CCDC18: variants seen among roughly 807,000 people sequenced by gnomAD.
CCDC18 encodes coiled-coil domain containing 18.
CCDC18 carries 157 observed loss-of-function variants against 196.0 expected under a neutral mutation model. That is an observed-to-expected ratio of 0.80 (90% CI 0.70 to 0.91). The LOEUF (loss-of-function observed/expected upper bound fraction) is 0.91. CCDC18 is among the 40% of genes least tolerant of loss of function. CCDC18 has a pLI of 0.00. For synonymous variants in CCDC18, 482 were observed against 529.2 expected (o/e 0.91, Z 1.22); for missense variants, 1,465 against 1,611.6 (o/e 0.91, Z 1.56).
intron 12 of CCDC18, among the ~76,000 whole-genome samples, chr1:93,215,269 CATTTATAAATAAA>C (rs200863684): frequency 0.015 from 2,300 of 152,048 alleles, 28 homozygotes; most frequent in Non-Finnish European, 0.023. Flanking sequence ...GGTTAATATA[CATTTATAAATAAA>C]GACTTTGGAT....
chr1:93,262,710 T>C (rs1375905625), intron 26 of CCDC18, among the ~76,000 whole-genome samples: 3 of 152,168 alleles, frequency 2.0e-5, no homozygotes, highest in Non-Finnish European at 4.4e-5. Context: ...TTGGTGGATC[T>C]ACCATTCTGG....
intron 13 of CCDC18, among the ~76,000 whole-genome samples, chr1:93,216,988 G>A (rs964117269): frequency 1.4e-5 from 2 of 144,640 alleles, no homozygotes; most frequent in African/African-American, 2.7e-5. Flanking sequence ...AGGCTGGAGT[G>A]CAGTGGTGTG....
At chr1:93,205,420 C>T in intron 7 of CCDC18, 90 bp from the exon 8 acceptor site, 1 of 1,131,698 alleles carries the variant, frequency 8.8e-7, no homozygotes, top group South Asian at 1.6e-5. Context: ...TACTCTCCTG[C>T]TTATTTCTGA....
intron 12 of CCDC18, among the ~76,000 whole-genome samples, chr1:93,215,854 C>T (rs973141439): frequency 6.6e-6 from 1 of 152,162 alleles, no homozygotes; most frequent in African/African-American, 2.4e-5. Flanking sequence ...CAAGGAATTA[C>T]ATTCTGAAAA....
chr1:93,227,562 G>T (rs1406311702), intron 17 of CCDC18, among the ~76,000 whole-genome samples: 1 of 151,992 alleles, frequency 6.6e-6, no homozygotes, highest in Non-Finnish European at 1.5e-5. Context: ...TGCTCAAATG[G>T]ATAATCGTAA....
At chr1:93,211,672 TG>T in intron 10 of CCDC18, among the ~76,000 whole-genome samples, 1 of 152,186 alleles carries the variant, frequency 6.6e-6, no homozygotes, top group Middle Eastern at 3.2e-3. Flanking sequence ...GATTAACAAA[TG>T]GATTTGTGTA....
At position 93,217,761 on chromosome 1, in the gene CCDC18, T is replaced by G. The variant is rs1206071191; in HGVS notation, c.1854T>G (p.Ser618Arg). 1 of 1,605,934 alleles carries G rather than the reference T, an allele frequency of 6.2e-7. No homozygotes were observed. Among genetic ancestry groups the G allele is most frequent in the African/African-American group, 1.3e-5 (1 of 74,122 alleles). The change falls in exon 14 of 29, where the codon AGT becomes AGG. Residue 618 changes from serine to arginine, a missense_variant. Coordinates refer to ENST00000690025, the MANE Select transcript of CCDC18 (RefSeq NM_001378204.1). ...AGGAAAAGAATGAAAAGATAAGGAG[T>G]CTAGAAACCAATATTAATACAGAGC... ...ELMEKNEKIR[S>R]LETNINTEHE...
At chr1:93,197,791 G>A (rs1263734284) in intron 6 of CCDC18, among the ~76,000 whole-genome samples, 17 of 115,910 alleles carry the variant, frequency 1.5e-4, no homozygotes, top group Non-Finnish European at 2.4e-4. Context: ...TCGCTCTGTC[G>A]CCCAGGCTGG....
At chr1:93,197,305 G>A (rs535186626) in intron 6 of CCDC18, among the ~76,000 whole-genome samples, 1 of 152,012 alleles carries the variant, frequency 6.6e-6, no homozygotes, top group Non-Finnish European at 1.5e-5. Flanking sequence ...AGGAGAAAAG[G>A]CACAAGTGTT....
chr1:93,230,235 C>T (rs1341254401), intron 17 of CCDC18, among the ~76,000 whole-genome samples: 1 of 152,026 alleles, frequency 6.6e-6, no homozygotes, highest in Non-Finnish European at 1.5e-5. Context: ...GGCACGGTGG[C>T]TCATGCCTGT....
intron 28 of CCDC18, chr1:93,271,018 G>A: frequency 1.0e-6 from 1 of 984,118 alleles, no homozygotes; most frequent in Non-Finnish European, 1.2e-6. Context: ...AAAGAGAGAG[G>A]CAGAGGGAGA....
intron 2 of CCDC18, 94 bp from the exon 3 acceptor site, chr1:93,183,884 C>A: frequency 1.4e-6 from 1 of 713,878 alleles, no homozygotes; most frequent in Non-Finnish European, 2.1e-6. Flanking sequence ...TGCTTAGCAG[C>A]ATTTCAGGTT....
intron 6 of CCDC18, among the ~76,000 whole-genome samples, 175 bp from the exon 7 acceptor site, chr1:93,201,717 T>G (rs1236297788): frequency 6.6e-6 from 1 of 152,068 alleles, no homozygotes; most frequent in African/African-American, 2.4e-5. Flanking sequence ...GTGAGAAAAT[T>G]TTTGTAGTAT....
intron 19 of CCDC18, 77 bp downstream of exon 19, chr1:93,236,467 C>A: frequency 1.4e-6 from 2 of 1,379,858 alleles, no homozygotes; most frequent in South Asian, 2.7e-5. Flanking sequence ...AGATAATGTT[C>A]AGTGGAGCAT....
chr1:93,186,628 T>TA lies in CCDC18; in HGVS notation c.462+126dup, dbSNP rs1168752526. ...TTATGGGAAGTAATTTTCATTATAA[T>TA]ACTATAGTATCAACATGTTGTAAAA... On this transcript the variant is annotated intron_variant, in intron 4 of 28. Coordinates refer to ENST00000690025, the MANE Select transcript of CCDC18 (RefSeq NM_001378204.1). 6.4e-6 allele frequency: 4 copies of TA among 625,998 alleles called. No individual in the cohort carries two copies. In the African/African-American group the frequency reaches 7.6e-5, roughly 12 times the overall value. 38.8% of individuals were successfully genotyped at this position (625,998 alleles called of 1,614,324 possible). A position where few individuals can be genotyped will look rare whatever the true frequency, so the allele number is the denominator to read the frequency against.
intron 17 of CCDC18, among the ~76,000 whole-genome samples, 168 bp downstream of exon 17, chr1:93,226,617 T>G (rs1488972173): frequency 6.6e-6 from 1 of 151,912 alleles, no homozygotes; most frequent in East Asian, 1.9e-4. Flanking sequence ...CACTTGAACC[T>G]CTGCCTCCTG....
At chr1:93,214,616 C>T (rs748518888) in intron 11 of CCDC18, 127 bp from the exon 12 acceptor site, 67 of 613,482 alleles carry the variant, frequency 1.1e-4, no homozygotes, top group Non-Finnish European at 1.8e-4. Context: ...ATGTCTCATT[C>T]TCTGTCCCTT....
At position 93,246,877 on chromosome 1, in the gene CCDC18, G is replaced by T. The variant is rs756486865; in HGVS notation, c.3121G>T (p.Glu1041Ter). ...LDMTIREHRG[E>*]MEQKIIKLEG... ...TATGACTATTCGTGAGCACAGAGGA[G>T]AAATGGAACAAAAAATAATTAAATT... The change falls in exon 23 of 29, where the codon GAA (glutamate) becomes TAA (stop). Residue 1041 changes from glutamate to a stop codon, truncating the protein, a stop_gained. Transcript: ENST00000690025. LOFTEE classifies it high-confidence loss of function. The T allele has an allele frequency of 3.9e-6, 6 of 1,552,318 alleles. No individual in the cohort carries two copies. Among genetic ancestry groups the T allele is most frequent in the Non-Finnish European group, 5.3e-6 (6 of 1,137,110 alleles).
rs1444475188 is a variant in CCDC18 at position 93,270,402 on chromosome 1, A to T, written c.3941A>T (p.Asp1314Val). 5 of 1,550,330 alleles carry T rather than the reference A, an allele frequency of 3.2e-6. No individual in the cohort carries two copies. In the East Asian group the frequency reaches 1.2e-4, roughly 38 times the overall value. ...AKISGHEKAE[D>V]IKFLPAPFTS... is the part of the protein sequence containing the mutation. Reference sequence around the variant, plus strand: ...ATTTCTGGACATGAAAAGGCAGAAGACATCAAGTTTCTGCCAGCCCCATTT... The same window carrying T: ...ATTTCTGGACATGAAAAGGCAGAAGTCATCAAGTTTCTGCCAGCCCCATTT... Residue 1314 changes from aspartate to valine, a missense_variant, in exon 28 of 29, where the codon GAC becomes GTC. Transcript: ENST00000690025.
Sources: allele counts gnomAD v4.1 joint callset (sites outside exome capture counted in the v4.1 genomes callset), GRCh38; gene constraint gnomAD v4.1.1; transcripts MANE v1.5; gene names NCBI Gene and HGNC (gene_info 2026-07-23, HGNC 2026-07-21).